Variants in SERINC3 observed in about 807,000 individuals in gnomAD.
SERINC3 encodes the protein tumor differentially expressed protein 1.
In SERINC3, 22 loss-of-function variants were observed where a neutral mutation model predicts 52.1. That is an observed-to-expected ratio of 0.42 (90% CI 0.30 to 0.60). SERINC3 has a LOEUF of 0.60. Ranked by LOEUF, SERINC3 falls within the 20% of genes least tolerant of loss-of-function variation. The pLI, the probability that SERINC3 is intolerant of heterozygous loss-of-function variation, is 0.16. For synonymous variants in SERINC3, 226 were observed against 212.7 expected (o/e 1.06, Z -0.54); for missense variants, 564 against 584.6 (o/e 0.96, Z 0.36).
Position 44,521,995 on chromosome 20 carries a change from T to TA in SERINC3, c.-45dup, listed in dbSNP as rs1195126070. ...GGTGGCCGGTCCTGAGGCTGCTTTC[T>TA]AACACGGTGGTAACTGCCAGCTGAG... On this transcript the variant is annotated 5_prime_UTR_variant, in exon 1 of 10. It removes the in-frame stop codon of an upstream open reading frame in the 5' UTR. Transcript: ENST00000342374. The TA allele has an allele frequency of 1.9e-6, 3 of 1,580,664 alleles. No individual in the cohort carries two copies. In the Admixed American group the frequency reaches 5.4e-5, roughly 29 times the overall value.
At chr20:44,504,952 C>A in intron 6 of SERINC3, 61 bp from the exon 7 acceptor site, 1 of 1,259,368 alleles carries the variant, frequency 7.9e-7, no homozygotes, top group Non-Finnish European at 1.2e-6. Context: ...TTCCAAAATG[C>A]AGTGCACTTC....
Position 44,510,066 on chromosome 20 carries a change from A to G in SERINC3, c.476-38T>C, listed in dbSNP as rs375250481. ...AGAGAACAAAGTTATTCTCTACCAT[A>G]GAGTAACATTTCAGAAGATCCAACA... On this transcript the variant is annotated intron_variant, in intron 4 of 9. Transcript: ENST00000342374. The G allele has an allele frequency of 1.5e-5, 24 of 1,599,458 alleles. No individual in the cohort carries two copies. In the African/African-American group the frequency reaches 3.1e-4, roughly 21 times the overall value.
chr20:44,509,905 C>T lies in SERINC3; in HGVS notation c.599G>A (p.Arg200Lys). The change falls in exon 5 of 10, where the codon AGG becomes AAG. Residue 200 changes from arginine (R) to lysine (K), a missense_variant. By Grantham distance (26) the Arg-to-Lys change is conservative. Coordinates refer to ENST00000342374, the MANE Select transcript of SERINC3 (RefSeq NM_006811.4). Reference sequence around the variant, plus strand: ...GAGATACCTACCAGCATACCACAACCTTGGGTTTCCTTCTTCCATTCGATT... The same window carrying T: ...GAGATACCTACCAGCATACCACAACTTTGGGTTTCCTTCTTCCATTCGATT... The part of the protein sequence containing the change: ...WVNRMEEGNP[R>K]LWYAALLSFT... The T allele has an allele frequency of 6.2e-7, 1 of 1,614,138 alleles. No homozygotes were observed. The highest frequency in any genetic ancestry group is 8.5e-7 in the Non-Finnish European group (1 of 1,180,016).
At chr20:44,520,149 A>G (rs540594983) in intron 1 of SERINC3, among the ~76,000 whole-genome samples, 4 of 152,348 alleles carry the variant, frequency 2.6e-5, no homozygotes, top group Non-Finnish European at 5.9e-5. Context: ...TTGGCTGGGC[A>G]TGGTGGCTCA....
intron 5 of SERINC3, among the ~76,000 whole-genome samples, chr20:44,507,780 G>C (rs930306006): frequency 6.6e-6 from 1 of 152,292 alleles, no homozygotes; most frequent in East Asian, 1.9e-4. Context: ...GAGGCAGGGG[G>C]ATTGCTTGAG....
At chr20:44,504,690 T>G in intron 7 of SERINC3, 111 bp downstream of exon 7, 1 of 851,208 alleles carries the variant, frequency 1.2e-6, no homozygotes. Flanking sequence ...ACGTTTAAGT[T>G]TTGTTTGCTT....
At position 44,513,952 on chromosome 20, in the gene SERINC3, G is replaced by A. The variant is rs2064364188; in HGVS notation, c.128C>T (p.Ala43Val). ...KNSTVTRLIY[A>V]FILLLSTVVS... ...GACAGTGCTCAGGAGGAGAATGAAAGCATAAATGAGGCGAGTCACCGTGGA... is the reference window on the plus strand; with the variant it reads ...GACAGTGCTCAGGAGGAGAATGAAAACATAAATGAGGCGAGTCACCGTGGA... Residue 43 changes from alanine to valine, a missense_variant, in exon 2 of 10, where the codon GCT becomes GTT. Ala to Val is a moderately conservative substitution (Grantham distance 64). Transcript: ENST00000342374. 6.2e-7 allele frequency: 1 copy of A among 1,614,016 alleles called. No homozygotes were observed. Among genetic ancestry groups the A allele is most frequent in the South Asian group, 1.1e-5 (1 of 91,088 alleles).
At chr20:44,506,518 G>A (rs1415510062) in intron 6 of SERINC3, among the ~76,000 whole-genome samples, 1 of 142,688 alleles carries the variant, frequency 7.0e-6, no homozygotes, top group Non-Finnish European at 1.5e-5. Flanking sequence ...CCAGGAGGCA[G>A]AGGTTGCAGT....
At chr20:44,514,745 A>G (rs537272292) in intron 1 of SERINC3, among the ~76,000 whole-genome samples, 2 of 152,122 alleles carry the variant, frequency 1.3e-5, no homozygotes, top group Admixed American at 6.5e-5. Context: ...TGGGCTACAG[A>G]GCGAGACTCC....
rs764303511 is a variant in SERINC3 at position 44,510,034 on chromosome 20, A to G, written c.476-6T>C. On this transcript the variant is annotated splice_region_variant and splice_polypyrimidine_tract_variant and intron_variant, in intron 4 of 9. Coordinates refer to ENST00000342374, the MANE Select transcript of SERINC3 (RefSeq NM_006811.4). ...CATGCCAACAACAAACCAGACTACAAGAACCAAGAGAACAAAGTTATTCTC... is the reference window on the plus strand; with the variant it reads ...CATGCCAACAACAAACCAGACTACAGGAACCAAGAGAACAAAGTTATTCTC... The G allele has an allele frequency of 1.2e-6, 2 of 1,613,596 alleles. No individual in the cohort carries two copies. The highest frequency in any genetic ancestry group is 1.7e-6 in the Non-Finnish European group (2 of 1,179,500).
In SERINC3 at chr20:44,513,045, ACT is replaced by A. The variant is rs753251857; in HGVS notation, c.202-53_202-52del. 4 of 1,216,702 alleles carry A rather than the reference ACT, an allele frequency of 3.3e-6. No individual in the cohort carries two copies. The East Asian group carries it at 8.4e-5, about 26-fold the overall frequency. 75.4% of individuals were successfully genotyped at this position (1,216,702 alleles called of 1,614,324 possible). ...CGAGAATATCTACATTTAGACAGAGACTCTAACCCACTGCAGGAAAGCCTGGA... is the reference window on the plus strand; with the variant it reads ...CGAGAATATCTACATTTAGACAGAGACTAACCCACTGCAGGAAAGCCTGGA... On this transcript the variant is annotated intron_variant, in intron 2 of 9. Transcript: ENST00000342374.
rs758858636 is a variant in SERINC3, at chr20:44,501,182, G to C, written c.1174C>G (p.Arg392Gly). 2 of 1,613,774 alleles carry C rather than the reference G, an allele frequency of 1.2e-6. No individual in the cohort carries two copies. The highest frequency in any genetic ancestry group is 1.7e-5 in the Admixed American group (1 of 59,996). The change falls in exon 9 of 10, where the codon CGG (arginine) becomes GGG (glycine). Residue 392 changes from arginine (R) to glycine (G), a missense_variant. By Grantham distance (125) the Arg-to-Gly change is moderately radical. Transcript: ENST00000342374. ...CCCTCTTTCTCGTTGTCCACAGCCC[G>C]CCGAGGCTGTCCATCTTCTTCATCA... is the stretch of plus-strand genomic sequence containing the variant. The part of the protein sequence containing the change: ...ASDEEDGQPR[R>G]AVDNEKEGVQ...
At chr20:44,509,154 A>G (rs1332186617) in intron 5 of SERINC3, among the ~76,000 whole-genome samples, 1 of 152,234 alleles carries the variant, frequency 6.6e-6, no homozygotes, top group Non-Finnish European at 1.5e-5. Flanking sequence ...AGCTACTGTT[A>G]AATCCCATTA....
At chr20:44,500,723 T>C (rs1047360971) in intron 9 of SERINC3, among the ~76,000 whole-genome samples, 5 of 152,212 alleles carry the variant, frequency 3.3e-5, no homozygotes, top group South Asian at 2.1e-4. Flanking sequence ...AAGGTCTAGA[T>C]TGAGATAGCC....
chr20:44,505,322 G>T (rs1012288758), intron 6 of SERINC3, among the ~76,000 whole-genome samples: 10 of 150,890 alleles, frequency 6.6e-5, no homozygotes, highest in East Asian at 1.9e-4. Context: ...TTTTTAAACG[G>T]TTTTTTTTTC....
chr20:44,500,424 T>C lies in SERINC3; in HGVS notation c.1294A>G (p.Lys432Glu), dbSNP rs1254122914. The C allele has an allele frequency of 2.6e-6, 4 of 1,567,562 alleles. No individual in the cohort carries two copies. The highest frequency in any genetic ancestry group is 3.5e-6 in the Non-Finnish European group (4 of 1,155,294). Residue 432 changes from lysine (K) to glutamate (E), a missense_variant, in exon 10 of 10, where the codon AAG (lysine) becomes GAG (glutamate). Lys to Glu is a moderately conservative substitution (Grantham distance 56, BLOSUM62 1). Coordinates refer to ENST00000342374, the MANE Select transcript of SERINC3 (RefSeq NM_006811.4). ...TLTSWYSPDA[K>E]FQSMTSKWPA... ...CACTTGCTGGTCATGCTCTGAAACTTTGCATCAGGGCTAAGAAAACAAGAG... is the reference window on the plus strand; with the variant it reads ...CACTTGCTGGTCATGCTCTGAAACTCTGCATCAGGGCTAAGAAAACAAGAG...
chr20:44,500,928 G>A (rs2064275404), intron 9 of SERINC3, 145 bp downstream of exon 9: 2 of 631,208 alleles, frequency 3.2e-6, no homozygotes, highest in East Asian at 2.7e-5. Flanking sequence ...GGTTTTAAAT[G>A]CTAGAGGGGA....
Position 44,500,391 on chromosome 20 carries a change from C to A in SERINC3, c.1327G>T (p.Val443Leu), listed in dbSNP as rs776277633. 1 of 1,590,886 alleles carries A rather than the reference C, an allele frequency of 6.3e-7. No individual in the cohort carries two copies. Among genetic ancestry groups the A allele is most frequent in the Non-Finnish European group, 8.6e-7 (1 of 1,168,132 alleles). Residue 443 changes from valine (V) to leucine (L), a missense_variant, in exon 10 of 10, where the codon GTG becomes TTG. Val to Leu is a conservative substitution (Grantham distance 32, BLOSUM62 1). Coordinates refer to ENST00000342374, the MANE Select transcript of SERINC3 (RefSeq NM_006811.4). ...CAGCTGGAGCTGATCTTGACCCACA[C>A]AGCTGGCCACTTGCTGGTCATGCTC... ...FQSMTSKWPAVWVKISSSWVC... is the reference protein window; with the variant it reads ...FQSMTSKWPALWVKISSSWVC...
chr20:44,510,588 T>C (rs1230223326), intron 4 of SERINC3, among the ~76,000 whole-genome samples: 2 of 151,906 alleles, frequency 1.3e-5, no homozygotes, highest in East Asian at 3.9e-4. Context: ...CTGAGGCAGG[T>C]GGATCATGAG....
Sources: gnomAD v4.1 joint callset for allele counts (sites outside exome capture counted in the v4.1 genomes callset) on GRCh38, gnomAD v4.1.1 for gene constraint, MANE v1.5 for transcripts, NCBI Gene and HGNC (gene_info 2026-07-23, HGNC 2026-07-21) for gene names.